The following DCC variants were observed in gnomAD, a reference collection of about 807,000 sequenced individuals.
DCC encodes DCC netrin 1 receptor.
In DCC, 58 loss-of-function variants were observed where a neutral mutation model predicts 172.5. The ratio of observed to expected loss-of-function variants is 0.34; its 90% confidence interval spans 0.27 to 0.42. The LOEUF is 0.42. DCC is among the 10% of genes least tolerant of loss of function. DCC has a pLI of 1.00. For missense variants in DCC, 1,740 were observed against 1,791.0 expected (o/e 0.97, Z 0.51); for synonymous variants, 709 against 644.5 (o/e 1.10, Z -1.52).
chr18:53,242,108 A>G (rs935301679), intron 12 of DCC, among the ~76,000 whole-genome samples: 1 of 152,170 alleles, frequency 6.6e-6, no homozygotes, highest in Non-Finnish European at 1.5e-5. Context: ...ACAGGGAAGA[A>G]ATGGTGGGCT....
At chr18:53,333,286 C>T (rs1389354621) in intron 14 of DCC, among the ~76,000 whole-genome samples, 1 of 152,180 alleles carries the variant, frequency 6.6e-6, no homozygotes, top group Non-Finnish European at 1.5e-5. Flanking sequence ...AAGCATCAGA[C>T]ATGCCTGGAA....
At chr18:52,503,379 A>AG (rs985225124) in intron 1 of DCC, among the ~76,000 whole-genome samples, 35 of 152,312 alleles carry the variant, frequency 2.3e-4, no homozygotes, top group African/African-American at 8.4e-4. Context: ...GTTCTCAAAA[A>AG]GAAGCCCAAG....
chr18:53,456,778 T>C (rs566622056), intron 23 of DCC, among the ~76,000 whole-genome samples: 1 of 152,326 alleles, frequency 6.6e-6, no homozygotes, highest in East Asian at 1.9e-4. Context: ...AAGAATCTAA[T>C]GGTGAGACAC....
At chr18:53,449,359 T>C (rs946594460) in intron 22 of DCC, among the ~76,000 whole-genome samples, 1 of 152,228 alleles carries the variant, frequency 6.6e-6, no homozygotes, top group African/African-American at 2.4e-5. Flanking sequence ...CATTCTTATT[T>C]AGCAAGTAAC....
intron 1 of DCC, among the ~76,000 whole-genome samples, chr18:52,574,049 C>T (rs2033358049): frequency 6.6e-6 from 1 of 152,182 alleles, no homozygotes; most frequent in South Asian, 2.1e-4. Flanking sequence ...TAATTGCCTC[C>T]ACCTCATCTT....
intron 2 of DCC, chr18:52,816,552 T>TC (rs2038300390): frequency 7.5e-6 from 1 of 132,608 alleles, no homozygotes; most frequent in African/African-American, 3.1e-5. Context: ...AAGAACCTGC[T>TC]GTTTTTTCCT....
intron 7 of DCC, among the ~76,000 whole-genome samples, chr18:53,072,142 A>G (rs957960774): frequency 6.6e-6 from 1 of 152,152 alleles, no homozygotes; most frequent in African/African-American, 2.4e-5. Flanking sequence ...AAGAAAAAAA[A>G]AGAGTCAATG....
intron 1 of DCC, among the ~76,000 whole-genome samples, chr18:52,605,657 G>T (rs1598950397): frequency 6.6e-6 from 1 of 152,132 alleles, no homozygotes; most frequent in Non-Finnish European, 1.5e-5. Context: ...ATACTCATTA[G>T]AAAATGTACC....
chr18:52,374,734 C>G (rs1054716441), intron 1 of DCC, among the ~76,000 whole-genome samples: 2 of 152,094 alleles, frequency 1.3e-5, no homozygotes. Context: ...GATTGAACAG[C>G]CTAAGACTCT....
chr18:53,416,839 C>T (rs1910336298), intron 21 of DCC, among the ~76,000 whole-genome samples: 1 of 152,208 alleles, frequency 6.6e-6, no homozygotes, highest in South Asian at 2.1e-4. Flanking sequence ...CTTACTATTA[C>T]CGTGATTTGT....
chr18:52,858,843 T>C lies in DCC; in HGVS notation c.413-47201T>C, dbSNP rs538625700. Among the ~76,000 whole-genome samples the C allele has an allele frequency of 2.0e-4, 30 of 152,246 alleles. No individual in the cohort carries two copies. The South Asian group carries it at 6.2e-3, about 32-fold the overall frequency. On this transcript the variant is annotated intron_variant, in intron 2 of 28. Coordinates refer to ENST00000442544, the MANE Select transcript of DCC (RefSeq NM_005215.4). ...GCAGGCCCCTGGAATGGGGCAGCAA[T>C]GTTTGCTTGCTTTTCTGGAGTTTCA...
chr18:53,412,100 T>A (rs1599120696), intron 20 of DCC, among the ~76,000 whole-genome samples: 1 of 152,258 alleles, frequency 6.6e-6, no homozygotes, highest in Non-Finnish European at 1.5e-5. Context: ...AGGAATTGTT[T>A]AATGAGCTCA....
chr18:52,806,283 C>G (rs1324979385), intron 2 of DCC, among the ~76,000 whole-genome samples: 2 of 152,200 alleles, frequency 1.3e-5, no homozygotes, highest in Non-Finnish European at 2.9e-5. Flanking sequence ...ATCCCATGCT[C>G]TAGTAGTGAT....
At chr18:52,373,470 T>C (rs1386244514) in intron 1 of DCC, among the ~76,000 whole-genome samples, 3 of 152,206 alleles carry the variant, frequency 2.0e-5, no homozygotes, top group African/African-American at 4.8e-5. Context: ...TTCTATTTCT[T>C]CAGTGGAATA....
chr18:52,777,753 G>A (rs1274573542), intron 2 of DCC, among the ~76,000 whole-genome samples: 1 of 151,516 alleles, frequency 6.6e-6, no homozygotes, highest in Non-Finnish European at 1.5e-5. Flanking sequence ...AGAGAATCTA[G>A]GAGGCAGATC....
At chr18:52,609,158 T>C (rs11665006) in intron 1 of DCC, among the ~76,000 whole-genome samples, 20,525 of 152,216 alleles carry the variant, frequency 0.13, 1,458 homozygotes, top group South Asian at 0.2. Context: ...ATGTTTAATA[T>C]GCTTTGCCTC....
At chr18:53,309,945 C>T (rs56946445) in intron 13 of DCC, among the ~76,000 whole-genome samples, 36 of 98,848 alleles carry the variant, frequency 3.6e-4, no homozygotes, top group East Asian at 2.2e-3. Flanking sequence ...TATATATATA[C>T]ATGTATATAT....
chr18:52,494,550 T>C (rs2030666550), intron 1 of DCC, among the ~76,000 whole-genome samples: 2 of 152,116 alleles, frequency 1.3e-5, no homozygotes, highest in African/African-American at 4.8e-5. Context: ...GGCTTTTTTA[T>C]TGACTTCCTT....
At chr18:53,155,072 T>C (rs2144390309) in intron 7 of DCC, among the ~76,000 whole-genome samples, 1 of 152,128 alleles carries the variant, frequency 6.6e-6, no homozygotes, top group African/African-American at 2.4e-5. Flanking sequence ...AAAGAATCTA[T>C]GGAGTCAGAA....
Sources: allele counts gnomAD v4.1 joint callset (sites outside exome capture counted in the v4.1 genomes callset), GRCh38; gene constraint gnomAD v4.1.1; transcripts MANE v1.5; gene names NCBI Gene and HGNC (gene_info 2026-07-23, HGNC 2026-07-21).